Variants in GRB10 observed in about 807,000 individuals in gnomAD.
The protein encoded by GRB10 is growth factor receptor bound protein 10.
In GRB10, 20 loss-of-function variants were observed where a neutral mutation model predicts 80.9. The observed-to-expected ratio is 0.25, with a 90% CI of 0.17 to 0.36. GRB10 has a LOEUF of 0.36. Among genes scored for constraint, GRB10 ranks in the 10% least tolerant of loss-of-function variants. The pLI, the probability that GRB10 is intolerant of heterozygous loss-of-function variation, is 1.00. For synonymous variants in GRB10, 291 were observed against 291.5 expected (o/e 1.00, Z 0.02); for missense variants, 548 against 747.7 (o/e 0.73, Z 3.12).
At chr7:50,783,180 C>A (rs1429003043), upstream of GRB10, among the ~76,000 whole-genome samples, 1 of 152,236 alleles carries the variant, frequency 6.6e-6, no homozygotes, top group Non-Finnish European at 1.5e-5. Context: ...GCTCGAGCAA[C>A]CTTCCACCTG....
intron 3 of GRB10, among the ~76,000 whole-genome samples, chr7:50,750,313 GCTCTCACCA>G (rs1214014854): frequency 1.3e-5 from 2 of 152,172 alleles, no homozygotes; most frequent in African/African-American, 4.8e-5. Context: ...GGTCGACTCT[GCTCTCACCA>G]CTCATATATA....
intron 7 of GRB10, among the ~76,000 whole-genome samples, chr7:50,660,192 G>A (rs73697045): frequency 6.6e-6 from 1 of 152,290 alleles, no homozygotes; most frequent in African/African-American, 2.4e-5. Flanking sequence ...GAAGTAGGGG[G>A]TGCAGCCATC....
At chr7:50,627,018 C>T (rs371930472) in intron 7 of GRB10, 40 bp from the exon 8 acceptor site, 221 of 1,604,654 alleles carry the variant, frequency 1.4e-4, no homozygotes, top group Non-Finnish European at 1.7e-4. Flanking sequence ...TAAACAACTT[C>T]GGGCTTTCAA....
chr7:50,654,688 T>C (rs907963127), intron 7 of GRB10, among the ~76,000 whole-genome samples: 1 of 152,378 alleles, frequency 6.6e-6, no homozygotes, highest in South Asian at 2.1e-4. Flanking sequence ...TCTCTGTATA[T>C]ATTCTTCACC....
At chr7:50,672,445 T>A (rs990207740) in intron 6 of GRB10, among the ~76,000 whole-genome samples, 11 of 152,208 alleles carry the variant, frequency 7.2e-5, no homozygotes, top group African/African-American at 2.7e-4. Flanking sequence ...AAATAATCTT[T>A]GGTGATTCCA....
intron 5 of GRB10, among the ~76,000 whole-genome samples, chr7:50,678,858 G>A (rs1358272059): frequency 6.6e-6 from 1 of 152,192 alleles, no homozygotes; most frequent in African/African-American, 2.4e-5. Context: ...TCACCCATTT[G>A]TGAAAGGCCT....
chr7:50,777,682 T>C (rs1205515883), intron 2 of GRB10, among the ~76,000 whole-genome samples: 1 of 152,024 alleles, frequency 6.6e-6, no homozygotes, highest in Non-Finnish European at 1.5e-5. Context: ...CCATTAATGA[T>C]AGACTGGATA....
At chr7:50,646,597 G>A (rs1406607814) in intron 7 of GRB10, among the ~76,000 whole-genome samples, 1 of 152,070 alleles carries the variant, frequency 6.6e-6, no homozygotes, top group Admixed American at 6.5e-5. Flanking sequence ...AATAAGTCAT[G>A]GCAAACTTAC....
upstream of GRB10, among the ~76,000 whole-genome samples, chr7:50,786,673 C>A (rs920510753): frequency 6.6e-6 from 1 of 152,188 alleles, no homozygotes; most frequent in Non-Finnish European, 1.5e-5. Flanking sequence ...AGTAGATGGA[C>A]ATTTTCCCAG....
intron 2 of GRB10, among the ~76,000 whole-genome samples, chr7:50,760,676 C>T (rs952648476): frequency 2.6e-5 from 4 of 152,208 alleles, no homozygotes; most frequent in Admixed American, 2.6e-4. Context: ...ATACATGCTA[C>T]TGTTCATCCA....
chr7:50,781,712 G>A (rs1043365511), intron 1 of GRB10, among the ~76,000 whole-genome samples: 3 of 152,230 alleles, frequency 2.0e-5, no homozygotes, highest in Non-Finnish European at 4.4e-5. Context: ...CCAAGGAGGC[G>A]ACTGGCGTGT....
chr7:50,661,698 C>T (rs573727610), intron 7 of GRB10, among the ~76,000 whole-genome samples: 1 of 152,324 alleles, frequency 6.6e-6, no homozygotes, highest in African/African-American at 2.4e-5. Flanking sequence ...TGAATCTGTT[C>T]TTGGCATCAC....
chr7:50,748,181 C>T (rs1028372315), intron 3 of GRB10, among the ~76,000 whole-genome samples: 14 of 152,176 alleles, frequency 9.2e-5, no homozygotes, highest in African/African-American at 2.9e-4. Context: ...CCATCTTTAA[C>T]GGGGTCCTGT....
intron 7 of GRB10, among the ~76,000 whole-genome samples, chr7:50,638,015 A>G (rs1186602589): frequency 1.3e-5 from 2 of 152,244 alleles, no homozygotes; most frequent in Non-Finnish European, 2.9e-5. Flanking sequence ...ATCTCTATCC[A>G]TACAAACTAA....
At chr7:50,600,164 G>A (rs769400610) in intron 17 of GRB10, among the ~76,000 whole-genome samples, 10 of 152,118 alleles carry the variant, frequency 6.6e-5, no homozygotes, top group Non-Finnish European at 5.9e-5. Flanking sequence ...CTGTTGATAC[G>A]GTTCAGGGGT....
At chr7:50,635,904 A>AT (rs2054882716) in intron 7 of GRB10, among the ~76,000 whole-genome samples, 2 of 45,922 alleles carry the variant, frequency 4.4e-5, no homozygotes, top group South Asian at 1.3e-3. Context: ...TCTTCCAATA[A>AT]AAAAAAAAAA....
intron 7 of GRB10, among the ~76,000 whole-genome samples, chr7:50,647,139 A>T (rs566266857): frequency 6.6e-6 from 1 of 151,690 alleles, no homozygotes; most frequent in Admixed American, 6.6e-5. Context: ...AAAACAACAA[A>T]ACAAACTCAC....
At chr7:50,755,816 T>G (rs918353085) in intron 3 of GRB10, 71 bp downstream of exon 3, 9 of 398,448 alleles carry the variant, frequency 2.3e-5, no homozygotes, top group Non-Finnish European at 3.1e-5. Flanking sequence ...CTGACCACCT[T>G]AATCAATACT....
At chr7:50,694,488 G>A (rs2153661047) in intron 5 of GRB10, among the ~76,000 whole-genome samples, 1 of 152,358 alleles carries the variant, frequency 6.6e-6, no homozygotes, top group South Asian at 2.1e-4. Flanking sequence ...CTCTCATAGA[G>A]TGGATCTCTC....
Sources: allele counts gnomAD v4.1 joint callset (sites outside exome capture counted in the v4.1 genomes callset), GRCh38; gene constraint gnomAD v4.1.1; transcripts MANE v1.5; gene names NCBI Gene and HGNC (gene_info 2026-07-23, HGNC 2026-07-21).